ANXA4: variants seen among roughly 807,000 people sequenced by gnomAD.
ANXA4 encodes annexin A4.
ANXA4 carries 39 observed loss-of-function variants against 49.8 expected under a neutral mutation model. The ratio of observed to expected loss-of-function variants is 0.78; its 90% confidence interval spans 0.61 to 1.02. ANXA4 has a LOEUF of 1.02. ANXA4 is among the 50% of genes least tolerant of loss of function. The probability of loss-of-function intolerance (pLI) is 0.00; values close to 1 mark genes in which losing one functional copy is unlikely to be tolerated. For synonymous variants in ANXA4, 134 were observed against 152.5 expected (o/e 0.88, Z 0.89); for missense variants, 360 against 410.1 (o/e 0.88, Z 1.05).
In ANXA4 at chr2:69,804,572, G is replaced by A. The variant is rs377447418; in HGVS notation, c.137G>A (p.Arg46His). The stretch of plus-strand genomic sequence containing the variant: ...GCCATTATTAGCGTCCTTGCCTACC[G>A]CAACACCGCCCAGCGCCAGGAGATC... ...EDAIISVLAY[R>H]NTAQRQEIRT... Residue 46 changes from arginine to histidine, a missense_variant, in exon 4 of 13, where the codon CGC becomes CAC. Transcript: ENST00000394295. 8.8e-5 allele frequency: 142 copies of A among 1,613,682 alleles called. 1 individual carries two copies. The highest frequency in any genetic ancestry group is 1.8e-4 in the Admixed American group (11 of 59,968).
upstream of ANXA4, among the ~76,000 whole-genome samples, chr2:69,739,376 A>G (rs1670325405): frequency 6.6e-6 from 1 of 151,410 alleles, no homozygotes; most frequent in African/African-American, 2.4e-5. Context: ...TGTCCTTGTG[A>G]GATTTTTAAT....
At chr2:69,656,347 G>GTA (rs1559046555) in intron 2 of ANXA4, among the ~76,000 whole-genome samples, 10 of 91,540 alleles carry the variant, frequency 1.1e-4, no homozygotes, top group African/African-American at 5.3e-4. Flanking sequence ...ATATATATGT[G>GTA]TATATATGTG....
chr2:69,644,163 GT>G (rs1553424954), upstream of ANXA4, among the ~76,000 whole-genome samples: 1 of 33,140 alleles, frequency 3.0e-5, no homozygotes, highest in Admixed American at 3.0e-4. Flanking sequence ...CAACAACTAA[GT>G]TCCCCCCCCC....
At chr2:69,737,493 C>T (rs1327149737), upstream of ANXA4, among the ~76,000 whole-genome samples, 1 of 152,128 alleles carries the variant, frequency 6.6e-6, no homozygotes, top group Non-Finnish European at 1.5e-5. Flanking sequence ...AGGATATTTT[C>T]TAACTTTATC....
intron 2 of ANXA4, among the ~76,000 whole-genome samples, chr2:69,694,329 C>A (rs1295244085): frequency 6.6e-6 from 1 of 151,808 alleles, no homozygotes; most frequent in African/African-American, 2.4e-5. Flanking sequence ...TCCGTTGGTG[C>A]CTTGACTTTG....
intron 2 of ANXA4, among the ~76,000 whole-genome samples, chr2:69,674,707 G>A (rs1358187547): frequency 6.6e-6 from 1 of 152,038 alleles, no homozygotes; most frequent in Non-Finnish European, 1.5e-5. Flanking sequence ...GGGTAAGCTT[G>A]GGAAAAGTTT....
At chr2:69,744,282 G>A (rs13386402) in intron 1 of ANXA4, among the ~76,000 whole-genome samples, 2,006 of 152,234 alleles carry the variant, frequency 0.013, 46 homozygotes, top group African/African-American at 0.046. Context: ...ACTGCAGCCT[G>A]GGTAATAGAG....
intron 8 of ANXA4, among the ~76,000 whole-genome samples, chr2:69,814,158 C>T (rs1388199335): frequency 6.6e-6 from 1 of 151,838 alleles, no homozygotes; most frequent in Non-Finnish European, 1.5e-5. Context: ...AAAAAAAGAA[C>T]CTGTTGCTTT....
chr2:69,717,860 T>C (rs78872250), intron 2 of ANXA4, among the ~76,000 whole-genome samples: 1,796 of 152,210 alleles, frequency 0.012, 39 homozygotes, highest in African/African-American at 0.041. Flanking sequence ...ACAGGCAAAC[T>C]AAGAGACGTA....
intron 1 of ANXA4, among the ~76,000 whole-genome samples, chr2:69,647,222 G>T (rs965156446): frequency 3.9e-5 from 6 of 152,114 alleles, no homozygotes; most frequent in Middle Eastern, 6.8e-3. Context: ...ACACTTCCCA[G>T]CCTGTCAGGA....
At chr2:69,686,844 A>C (rs949995189) in intron 2 of ANXA4, among the ~76,000 whole-genome samples, 14 of 152,226 alleles carry the variant, frequency 9.2e-5, no homozygotes, top group Non-Finnish European at 1.8e-4. Flanking sequence ...GTTTGTGCAC[A>C]TGGGCTCTGG....
chr2:69,738,381 C>T (rs1053976445), upstream of ANXA4, among the ~76,000 whole-genome samples: 9 of 152,094 alleles, frequency 5.9e-5, no homozygotes, highest in African/African-American at 1.2e-4. Flanking sequence ...AGGAGCCAAG[C>T]GGGAAGAATA....
chr2:69,648,942 A>G (rs1676117610), intron 1 of ANXA4, among the ~76,000 whole-genome samples: 1 of 137,392 alleles, frequency 7.3e-6, no homozygotes, highest in Non-Finnish European at 1.5e-5. Context: ...CTGGAGTGCA[A>G]TGGCACAATC....
rs79258653 is a variant in ANXA4 at position 69,733,266 on chromosome 2, A to G, written n.864+12395A>G. ...TGGTGTTAAGCTATTAATCTGCTAT[A>G]ACAGCTGTCATCTTAGATCTAACAC... On this transcript the variant is annotated intron_variant and non_coding_transcript_variant, in intron 3 of 3. Coordinates refer to the ANXA4 transcript ENST00000418066. 6.8e-3 allele frequency among the ~76,000 whole-genome samples: 1,029 copies of G among 152,320 alleles called. 13 individuals are homozygous for G. Among genetic ancestry groups the G allele is most frequent in the African/African-American group, 0.023 (958 of 41,572 alleles).
chr2:69,659,039 G>C (rs58987123), intron 2 of ANXA4, among the ~76,000 whole-genome samples: 3,034 of 152,206 alleles, frequency 0.02, 100 homozygotes, highest in African/African-American at 0.068. Flanking sequence ...TGCAGGTTTT[G>C]CTCATTTAAT....
chr2:69,690,520 T>C (rs1341614495), intron 2 of ANXA4, among the ~76,000 whole-genome samples: 1 of 152,208 alleles, frequency 6.6e-6, no homozygotes, highest in Non-Finnish European at 1.5e-5. Context: ...ATTACAGGCA[T>C]GAGCCACTGC....
intron 9 of ANXA4, 71 bp downstream of exon 9, chr2:69,816,265 T>C: frequency 1.6e-6 from 2 of 1,260,512 alleles, no homozygotes; most frequent in Admixed American, 3.5e-5. Flanking sequence ...CCATAAGTAG[T>C]TGATAACCTT....
At chr2:69,697,419 C>A (rs370213133) in intron 2 of ANXA4, among the ~76,000 whole-genome samples, 1 of 152,210 alleles carries the variant, frequency 6.6e-6, no homozygotes, top group East Asian at 1.9e-4. Flanking sequence ...CTGGTTTGAT[C>A]TTCTATCCAG....
intron 2 of ANXA4, among the ~76,000 whole-genome samples, chr2:69,671,201 T>TA (rs1397898806): frequency 1.3e-5 from 2 of 151,980 alleles, no homozygotes; most frequent in Non-Finnish European, 2.9e-5. Flanking sequence ...CACAAACCTT[T>TA]AAAAAATGAT....
Sources: allele counts gnomAD v4.1 joint callset (sites outside exome capture counted in the v4.1 genomes callset), GRCh38; gene constraint gnomAD v4.1.1; transcripts MANE v1.5; gene names NCBI Gene and HGNC (gene_info 2026-07-23, HGNC 2026-07-21).